Variants in SH3PXD2B observed in about 807,000 individuals in gnomAD.
The protein encoded by SH3PXD2B is SH3 and PX domain-containing protein 2B.
In SH3PXD2B, 37 loss-of-function variants were observed where a neutral mutation model predicts 73.1. That is an observed-to-expected ratio of 0.51 (90% CI 0.39 to 0.67). The LOEUF (loss-of-function observed/expected upper bound fraction) is 0.67, where lower values mean the gene tolerates loss of function less well. SH3PXD2B is among the 30% of genes least tolerant of loss of function. The pLI is 0.00. For missense variants in SH3PXD2B, 1,053 were observed against 1,197.8 expected, an observed-to-expected ratio of 0.88 and a Z score of 1.78; for synonymous variants, 457 against 480.5, an observed-to-expected ratio of 0.95 and a Z score of 0.64.
chr5:172,370,231 G>C (rs920307954), intron 6 of SH3PXD2B, among the ~76,000 whole-genome samples: 1 of 152,132 alleles, frequency 6.6e-6, no homozygotes, highest in Non-Finnish European at 1.5e-5. Flanking sequence ...TAGAAAGAAG[G>C]CTTCAGTTAA....
intron 4 of SH3PXD2B, among the ~76,000 whole-genome samples, chr5:172,389,488 A>G (rs1055399215): frequency 2.0e-5 from 3 of 151,232 alleles, no homozygotes; most frequent in African/African-American, 7.3e-5. Context: ...CTCCTCATCT[A>G]CACAATGGGA....
intron 1 of SH3PXD2B, among the ~76,000 whole-genome samples, chr5:172,427,501 A>C (rs2113474715): frequency 6.6e-6 from 1 of 152,198 alleles, no homozygotes; most frequent in South Asian, 2.1e-4. Flanking sequence ...ATGTGCCATT[A>C]TGCCTGGTTA....
At chr5:172,351,984 G>A (rs1349423389) in intron 9 of SH3PXD2B, among the ~76,000 whole-genome samples, 1 of 152,110 alleles carries the variant, frequency 6.6e-6, no homozygotes, top group East Asian at 1.9e-4. Flanking sequence ...GTGCAGTGCT[G>A]ACTGGGCTCT....
chr5:172,357,834 A>G (rs1757316066), intron 8 of SH3PXD2B, among the ~76,000 whole-genome samples: 1 of 152,138 alleles, frequency 6.6e-6, no homozygotes, highest in Admixed American at 6.5e-5. Context: ...GGGCACAGAA[A>G]TTTCCCCCTT....
chr5:172,425,125 T>C (rs1446991369), intron 1 of SH3PXD2B, among the ~76,000 whole-genome samples: 1 of 152,224 alleles, frequency 6.6e-6, no homozygotes, highest in Non-Finnish European at 1.5e-5. Context: ...GATGTTTTAC[T>C]TAACAAGAAG....
At chr5:172,409,052 G>A (rs10476026) in intron 2 of SH3PXD2B, among the ~76,000 whole-genome samples, 2,431 of 151,952 alleles carry the variant, frequency 0.016, 59 homozygotes, top group African/African-American at 0.055. Flanking sequence ...TATATAATAC[G>A]CTATTGTTAA....
chr5:172,333,269 G>T (rs1213540702), downstream of SH3PXD2B, among the ~76,000 whole-genome samples: 3 of 152,080 alleles, frequency 2.0e-5, no homozygotes, highest in African/African-American at 7.2e-5. Context: ...AGGAGGCAAT[G>T]CCGGCAAGAG....
chr5:172,416,649 T>A (rs575381966), intron 2 of SH3PXD2B, among the ~76,000 whole-genome samples: 7,272 of 122,954 alleles, frequency 0.059, 504 homozygotes, highest in African/African-American at 0.17. Flanking sequence ...TTTTTTTTTT[T>A]AAAAAGGACC....
intron 8 of SH3PXD2B, among the ~76,000 whole-genome samples, chr5:172,355,295 G>A (rs562921859): frequency 1.4e-4 from 21 of 152,312 alleles, no homozygotes; most frequent in Non-Finnish European, 2.1e-4. Context: ...GGCGGGGGCC[G>A]AGCTGACTCA....
intron 1 of SH3PXD2B, among the ~76,000 whole-genome samples, chr5:172,438,516 C>A (rs901296330): frequency 6.6e-6 from 1 of 152,188 alleles, no homozygotes; most frequent in Non-Finnish European, 1.5e-5. Context: ...TCACTCAAGG[C>A]TCTCTGTGTC....
At position 172,336,357 on chromosome 5, in the gene SH3PXD2B, T is replaced by G; in HGVS notation, c.*2012A>C. The G allele has an allele frequency of 1.0e-6, 1 of 985,718 alleles. No individual in the cohort carries two copies. The highest frequency in any genetic ancestry group is 1.2e-6 in the Non-Finnish European group (1 of 829,984). The allele number at this position is 985,718 out of a possible 1,614,324, so 61.1% of individuals were successfully genotyped here. ...GGTGGCGGCCCTTCCCCACCTCCCTTCTTCCCCTGGCTGCCATCTGCCCCC... is the reference window on the plus strand; with the variant it reads ...GGTGGCGGCCCTTCCCCACCTCCCTGCTTCCCCTGGCTGCCATCTGCCCCC... On this transcript the variant is annotated 3_prime_UTR_variant, in exon 13 of 13. Transcript: ENST00000311601.
rs563334059 is a variant in SH3PXD2B at position 172,350,696 on chromosome 5, G to A, written c.786-107C>T. The stretch of plus-strand genomic sequence containing the variant: ...ACAGGTCCCAGGGAGCAGGAACGAC[G>A]GGTTGTGACTGCCCAGGGCAAGAGG... On this transcript the variant is annotated intron_variant, in intron 9 of 12. Coordinates refer to ENST00000311601, the MANE Select transcript of SH3PXD2B (RefSeq NM_001017995.3). 13 of 1,089,426 alleles carry A rather than the reference G, an allele frequency of 1.2e-5. No individual in the cohort carries two copies. The East Asian group carries it at 1.3e-4, about 11-fold the overall frequency. 67.5% of individuals were successfully genotyped at this position (1,089,426 alleles called of 1,614,324 possible). A position where few individuals can be genotyped will look rare whatever the true frequency, so the allele number is the denominator to read the frequency against.
intron 5 of SH3PXD2B, among the ~76,000 whole-genome samples, chr5:172,377,350 C>A (rs1300346845): frequency 6.6e-6 from 1 of 152,172 alleles, no homozygotes; most frequent in Non-Finnish European, 1.5e-5. Context: ...ACAGACCAAC[C>A]CCAATGGGTA....
intron 12 of SH3PXD2B, among the ~76,000 whole-genome samples, chr5:172,345,842 G>A (rs1266235927): frequency 1.3e-5 from 2 of 152,208 alleles, no homozygotes; most frequent in African/African-American, 4.8e-5. Context: ...GTGGATTGGT[G>A]GCTGCCTAGG....
At chr5:172,449,025 G>A (rs1050660301) in intron 1 of SH3PXD2B, among the ~76,000 whole-genome samples, 2 of 152,182 alleles carry the variant, frequency 1.3e-5, no homozygotes, top group East Asian at 1.9e-4. Context: ...TGCCTACTAA[G>A]GGCGCAATCT....
Position 172,338,360 on chromosome 5 carries a change from G to A in SH3PXD2B, c.*9C>T, listed in dbSNP as rs1163760990. ...GACCAGCGGGCCCTCTAGGCAGAAA[G>A]GGAGTCGGCTACGGCTTCTTTCTGA... On this transcript the variant is annotated 3_prime_UTR_variant, in exon 13 of 13. Transcript: ENST00000311601. The surrounding 1 kb of genome is among the most constrained non-coding windows in gnomAD (Gnocchi z 5.1). 6.2e-7 allele frequency: 1 copy of A among 1,613,924 alleles called. No individual in the cohort carries two copies. Among genetic ancestry groups the A allele is most frequent in the Non-Finnish European group, 8.5e-7 (1 of 1,180,048 alleles).
intron 1 of SH3PXD2B, among the ~76,000 whole-genome samples, chr5:172,431,157 G>A (rs1023613496): frequency 2.0e-5 from 3 of 152,144 alleles, no homozygotes; most frequent in Admixed American, 6.5e-5. Flanking sequence ...GTGAGCCACC[G>A]CGCCCAGGCT....
Position 172,336,624 on chromosome 5 carries a change from T to C in SH3PXD2B, c.*1745A>G, listed in dbSNP as rs1756699600. On this transcript the variant is annotated 3_prime_UTR_variant, in exon 13 of 13. Transcript: ENST00000311601. ...GACACTGAGCATCCCCCCAAAAAAC[T>C]GGCTTTGTGGGTCCAAAAGTATCTC... 2.1e-6 allele frequency: 2 copies of C among 967,474 alleles called. No homozygotes were observed. The highest frequency in any genetic ancestry group is 3.9e-5 in the African/African-American group (2 of 51,680). 59.9% of individuals were successfully genotyped at this position (967,474 alleles called of 1,614,324 possible). A position where few individuals can be genotyped will look rare whatever the true frequency, so the allele number is the denominator to read the frequency against.
At chr5:172,366,953 T>G (rs1270254843) in intron 6 of SH3PXD2B, among the ~76,000 whole-genome samples, 108 of 123,474 alleles carry the variant, frequency 8.7e-4, no homozygotes, top group Middle Eastern at 4.1e-3. Context: ...TTTTTTTTTT[T>G]GGGGACAGAG....
Sources: gnomAD v4.1 joint callset for allele counts (sites outside exome capture counted in the v4.1 genomes callset) on GRCh38, gnomAD v4.1.1 for gene constraint, Gnocchi (gnomAD v3.1) non-coding constraint, MANE v1.5 for transcripts, NCBI Gene and HGNC (gene_info 2026-07-23, HGNC 2026-07-21) for gene names.